The following AMZ2 variants were observed in gnomAD, a reference collection of about 807,000 sequenced individuals.
AMZ2 encodes the protein archaemetzincin-2.
A neutral mutation model predicts 36.7 loss-of-function variants in AMZ2; 26 were observed. That is an observed-to-expected ratio of 0.71 (90% CI 0.52 to 0.98). The LOEUF (loss-of-function observed/expected upper bound fraction) is 0.98. Ranked by LOEUF, AMZ2 falls within the 50% of genes least tolerant of loss-of-function variation. AMZ2 has a pLI of 0.00. For synonymous variants in AMZ2, 144 were observed against 149.1 expected, an observed-to-expected ratio of 0.97 and a Z score of 0.25; for missense variants, 394 against 430.5, an observed-to-expected ratio of 0.92 and a Z score of 0.75.
At chr17:68,248,988 A>C in intron 1 of AMZ2, 1 of 940,342 alleles carries the variant, frequency 1.1e-6, no homozygotes, top group Admixed American at 4.7e-5. Context: ...AGAGATGTTC[A>C]ACTTTTTCCT....
At chr17:68,214,165 C>T (rs1307640958) in intron 1 of AMZ2, among the ~76,000 whole-genome samples, 6 of 151,508 alleles carry the variant, frequency 4.0e-5, no homozygotes, top group African/African-American at 1.2e-4. Flanking sequence ...CATCGTGGTA[C>T]TCTGTAGCCA....
chr17:68,211,500 C>CT (rs35054668), intron 1 of AMZ2, among the ~76,000 whole-genome samples: 74,742 of 144,044 alleles, frequency 0.52, 21,500 homozygotes, highest in African/African-American at 0.79. Context: ...AAGATTCCGT[C>CT]TTAAAAAAAA....
upstream of AMZ2, among the ~76,000 whole-genome samples, chr17:68,244,188 A>G (rs1286125939): frequency 9.2e-5 from 14 of 152,346 alleles, no homozygotes; most frequent in African/African-American, 3.4e-4. Flanking sequence ...TGAAAATGTC[A>G]GTATGGACTC....
upstream of AMZ2, chr17:68,247,981 C>A (rs2074111098): frequency 1.0e-6 from 1 of 984,438 alleles, no homozygotes; most frequent in South Asian, 4.7e-5. Flanking sequence ...ACAGGGCGTG[C>A]GCGACGCAGC....
chr17:68,222,350 A>G (rs1461500556), intron 1 of AMZ2, among the ~76,000 whole-genome samples: 3 of 152,226 alleles, frequency 2.0e-5, no homozygotes, highest in Admixed American at 1.3e-4. Flanking sequence ...AGCTACACGC[A>G]CAGTGGCTGA....
At chr17:68,214,105 T>A (rs1167101935) in intron 1 of AMZ2, among the ~76,000 whole-genome samples, 2 of 143,466 alleles carry the variant, frequency 1.4e-5, no homozygotes, top group African/African-American at 2.7e-5. Flanking sequence ...TTTTTTTTTT[T>A]ATTTCTTCCT....
chr17:68,246,371 T>C (rs1338674428), upstream of AMZ2, among the ~76,000 whole-genome samples: 1 of 151,696 alleles, frequency 6.6e-6, no homozygotes, highest in Non-Finnish European at 1.5e-5. Flanking sequence ...TCGTGTCAAG[T>C]AATAATAATA....
intron 6 of AMZ2, among the ~76,000 whole-genome samples, chr17:68,256,474 C>T (rs1200652044): frequency 2.0e-5 from 3 of 152,144 alleles, no homozygotes; most frequent in East Asian, 1.9e-4. Flanking sequence ...TATGTATATA[C>T]GTACATGTCA....
chr17:68,214,871 C>T (rs2073157435), intron 1 of AMZ2, among the ~76,000 whole-genome samples: 1 of 151,972 alleles, frequency 6.6e-6, no homozygotes, highest in Admixed American at 6.6e-5. Context: ...GTAGCTTCGA[C>T]CTCCTGGGCT....
intron 1 of AMZ2, among the ~76,000 whole-genome samples, chr17:68,210,009 G>A (rs1227477899): frequency 1.3e-5 from 2 of 151,990 alleles, no homozygotes; most frequent in African/African-American, 4.8e-5. Context: ...CACTAGCAGG[G>A]CTGTAATGTT....
rs782570898 is a variant in AMZ2, at chr17:68,254,586, C to A, written c.750+19C>A. 6 of 1,591,088 alleles carry A rather than the reference C, an allele frequency of 3.8e-6. No homozygotes were observed. Among genetic ancestry groups the A allele is most frequent in the South Asian group, 1.1e-5 (1 of 89,198 alleles). ...CTGTAAGGTAAGTTATTACAAAAAT[C>A]TGACAGGACAGTTCTTTAAAAGAGA... is the stretch of plus-strand genomic sequence containing the variant. On this transcript the variant is annotated intron_variant, in intron 5 of 6. Transcript: ENST00000359904.
At chr17:68,226,919 C>A (rs9944517) in intron 1 of AMZ2, among the ~76,000 whole-genome samples, 43,646 of 137,412 alleles carry the variant, frequency 0.32, 8,092 homozygotes, top group African/African-American at 0.5. Flanking sequence ...TCCCAGTTTG[C>A]TGCCCTGTGG....
At chr17:68,216,389 C>A (rs1246686414) in intron 1 of AMZ2, among the ~76,000 whole-genome samples, 2 of 152,192 alleles carry the variant, frequency 1.3e-5, no homozygotes, top group African/African-American at 4.8e-5. Context: ...CCACCGCAGC[C>A]TCCCAAAGTG....
chr17:68,212,833 G>T (rs140858358), intron 1 of AMZ2, among the ~76,000 whole-genome samples: 15 of 152,272 alleles, frequency 9.9e-5, no homozygotes, highest in Admixed American at 5.2e-4. Context: ...CTCCCAAAGT[G>T]CTGGGATTAC....
chr17:68,211,762 ATATATGTG>A (rs1233693313), intron 1 of AMZ2, among the ~76,000 whole-genome samples: 3 of 123,480 alleles, frequency 2.4e-5, no homozygotes, highest in Non-Finnish European at 5.2e-5. Flanking sequence ...ATGTATATGT[ATATATGTG>A]TATATGTATA....
At chr17:68,206,332 C>T in intron 1 of AMZ2, 21 of 1,150,416 alleles carry the variant, frequency 1.8e-5, no homozygotes, top group Non-Finnish European at 2.2e-5. Context: ...GCTCCGATCT[C>T]CCCCCAACCC....
intron 4 of AMZ2, among the ~76,000 whole-genome samples, chr17:68,252,039 C>T (rs553250955): frequency 8.5e-4 from 127 of 149,646 alleles, no homozygotes; most frequent in African/African-American, 2.9e-3. Context: ...TTTTTGTCAT[C>T]TCTCTACTTC....
upstream of AMZ2, among the ~76,000 whole-genome samples, chr17:68,244,235 C>T (rs1281984468): frequency 3.3e-5 from 5 of 152,136 alleles, no homozygotes; most frequent in Non-Finnish European, 5.9e-5. Context: ...ATGAACTGTG[C>T]TTGATTTTTG....
chr17:68,207,969 C>A (rs1310517974), intron 1 of AMZ2, among the ~76,000 whole-genome samples: 1 of 152,072 alleles, frequency 6.6e-6, no homozygotes, highest in Non-Finnish European at 1.5e-5. Flanking sequence ...CAGGCCCCGC[C>A]GGCCATGGGC....
Sources: gnomAD v4.1 joint callset for allele counts (sites outside exome capture counted in the v4.1 genomes callset) on GRCh38, gnomAD v4.1.1 for gene constraint, MANE v1.5 for transcripts, NCBI Gene and HGNC (gene_info 2026-07-23, HGNC 2026-07-21) for gene names.